The following HAO2 variants were observed in gnomAD, a reference collection of about 807,000 sequenced individuals.
HAO2 encodes 2-Hydroxyacid oxidase 2.
HAO2 carries 42 observed loss-of-function variants against 37.4 expected under a neutral mutation model. That is an observed-to-expected ratio of 1.12 (90% CI 0.88 to 1.45). The LOEUF is 1.45. Ranked by LOEUF, HAO2 falls within the 40% of genes most tolerant of loss-of-function variation. HAO2 has a pLI of 0.00. For missense variants in HAO2, 476 were observed against 430.2 expected (o/e 1.11, Z -0.94); for synonymous variants, 180 against 162.8 (o/e 1.11, Z -0.81).
At chr1:119,371,292 T>TG (rs587681551) in intron 1 of HAO2, among the ~76,000 whole-genome samples, 128 of 152,322 alleles carry the variant, frequency 8.4e-4, no homozygotes, top group African/African-American at 3.1e-3. Context: ...ATCTATAACA[T>TG]GGGGCTCATA....
chr1:119,380,514 T>G lies in HAO2; in HGVS notation c.-8-564T>G, dbSNP rs1649833646. On this transcript the variant is annotated intron_variant, in intron 1 of 7. Transcript: ENST00000325945. ...CTCTGTAATCCACAGCTCCAGACAA[T>G]TCAAACATTGAGATTCCTGGGAACT... The G allele has an allele frequency of 5.0e-6, 3 of 595,142 alleles. No individual in the cohort carries two copies. The Admixed American group carries it at 9.5e-5, about 19-fold the overall frequency. 36.9% of individuals were successfully genotyped at this position (595,142 alleles called of 1,614,324 possible).
chr1:119,375,433 TA>T (rs1354913590), intron 1 of HAO2, among the ~76,000 whole-genome samples: 1 of 152,014 alleles, frequency 6.6e-6, no homozygotes, highest in African/African-American at 2.4e-5. Flanking sequence ...TATATTATAT[TA>T]AAAATATATA....
intron 3 of HAO2, among the ~76,000 whole-genome samples, chr1:119,383,589 G>A (rs764322039): frequency 3.3e-4 from 50 of 151,882 alleles, no homozygotes; most frequent in Admixed American, 1.6e-3. Flanking sequence ...TTTATTGTTG[G>A]GTTACATCTC....
intron 2 of HAO2, among the ~76,000 whole-genome samples, chr1:119,381,920 T>C (rs1649978817): frequency 6.6e-6 from 1 of 152,218 alleles, no homozygotes; most frequent in Non-Finnish European, 1.5e-5. Context: ...CTATTGTTTA[T>C]GGCTGCTTTT....
intron 1 of HAO2, among the ~76,000 whole-genome samples, chr1:119,371,864 A>G (rs1446148446): frequency 6.6e-6 from 1 of 152,214 alleles, no homozygotes; most frequent in African/African-American, 2.4e-5. Context: ...CTCTTTGCAT[A>G]ATCAAATTAT....
chr1:119,380,661 G>T, intron 1 of HAO2: 1 of 1,557,310 alleles, frequency 6.4e-7, no homozygotes. Flanking sequence ...GGCATGATCA[G>T]CCTTGAACTT....
Position 119,393,882 on chromosome 1 carries a change from G to A in HAO2, c.*42G>A. Reference sequence around the variant, plus strand: ...ACCAGACTGCTGAGGTTGCCCACAGGAGGATCACAAACTCACAGCACAGTG... The same window carrying A: ...ACCAGACTGCTGAGGTTGCCCACAGAAGGATCACAAACTCACAGCACAGTG... On this transcript the variant is annotated 3_prime_UTR_variant, in exon 8 of 8. Coordinates refer to ENST00000325945, the MANE Select transcript of HAO2 (RefSeq NM_016527.4). 6.2e-7 allele frequency: 1 copy of A among 1,611,780 alleles called. No homozygotes were observed. Among genetic ancestry groups the A allele is most frequent in the South Asian group, 1.1e-5 (1 of 90,994 alleles).
At chr1:119,373,253 T>C (rs12118920) in intron 1 of HAO2, among the ~76,000 whole-genome samples, 1 of 152,188 alleles carries the variant, frequency 6.6e-6, no homozygotes, top group Admixed American at 6.5e-5. Flanking sequence ...GGTGGAATGA[T>C]AAAATCTAGT....
chr1:119,379,753 G>C (rs966042614), intron 1 of HAO2, among the ~76,000 whole-genome samples: 2 of 151,998 alleles, frequency 1.3e-5, no homozygotes, highest in East Asian at 3.9e-4. Flanking sequence ...TCTGTTTCCT[G>C]TCTGTCATAT....
Position 119,384,964 on chromosome 1 carries a change from G to T in HAO2, c.472G>T (p.Asp158Tyr). Residue 158 changes from aspartate (D) to tyrosine (Y), a missense_variant, in exon 4 of 8, where the codon GAT becomes TAT. Coordinates refer to ENST00000325945, the MANE Select transcript of HAO2 (RefSeq NM_016527.4). ...LGFKALVITLDTPVCGNRRHD... is the reference protein window; with the variant it reads ...LGFKALVITLYTPVCGNRRHD... ...TTTCAAAGCTTTGGTAATAACTTTG[G>T]ATACACCTGTATGTGGCAACAGGCG... 6.2e-7 allele frequency: 1 copy of T among 1,613,608 alleles called. No individual in the cohort carries two copies. Among genetic ancestry groups the T allele is most frequent in the Non-Finnish European group, 8.5e-7 (1 of 1,179,558 alleles).
In HAO2 at chr1:119,381,128, G is replaced by C. The variant is rs34638261; in HGVS notation, c.43G>C (p.Glu15Gln). Reference protein sequence around the residue: ...CLTDFQAHAREQLSKSTRDFI... With the variant: ...CLTDFQAHARQQLSKSTRDFI... ...GACAGACTTTCAGGCCCATGCGCGA[G>C]AGCAGCTGTCTAAGTCAACTCGGGA... The change falls in exon 2 of 8, where the codon GAG becomes CAG. Residue 15 changes from glutamate (E) to glutamine (Q), a missense_variant. Transcript: ENST00000325945. The C allele has an allele frequency of 5.0e-6, 8 of 1,611,154 alleles. No individual in the cohort carries two copies. The highest frequency in any genetic ancestry group is 6.8e-6 in the Non-Finnish European group (8 of 1,177,382).
In HAO2 at chr1:119,382,920, G is replaced by T. The variant is rs763195884; in HGVS notation, c.137G>T (p.Arg46Leu). 1.2e-6 allele frequency: 2 copies of T among 1,613,256 alleles called. No individual in the cohort carries two copies. Among genetic ancestry groups the T allele is most frequent in the Middle Eastern group, 1.7e-4 (1 of 6,054 alleles). ...CTCTTTGTTGTCCGGCACAGAATTC[G>T]CCTCCGTCCGCGGTACCTGAGAGAT... ...DDNIAAFKRI[R>L]LRPRYLRDVS... The change falls in exon 3 of 8, where the codon CGC becomes CTC. Residue 46 changes from arginine (R) to leucine (L), a missense_variant. By Grantham distance (102) the Arg-to-Leu change is moderately radical. Coordinates refer to ENST00000325945, the MANE Select transcript of HAO2 (RefSeq NM_016527.4).
Position 119,383,026 on chromosome 1 carries a change from C to T in HAO2, c.243C>T (p.His81=), listed in dbSNP as rs751340634. ...APICIAPTGF[H]CLVWPDGEMS... ...TTTGTATCGCACCCACAGGGTTCCA[C>T]TGCCTTGTCTGGCCTGATGGGGAAA... Residue 81 remains histidine, a synonymous_variant, in exon 3 of 8, where the codon CAC becomes CAT. Coordinates refer to ENST00000325945, the MANE Select transcript of HAO2 (RefSeq NM_016527.4). 2 of 1,613,070 alleles carry T rather than the reference C, an allele frequency of 1.2e-6. No homozygotes were observed. The highest frequency in any genetic ancestry group is 1.7e-5 in the Admixed American group (1 of 59,958).
At position 119,386,696 on chromosome 1, in the gene HAO2, G is replaced by C. The variant is rs769651799; in HGVS notation, c.636G>C (p.Gln212His). Reference sequence around the variant, plus strand: ...GCTGGAATGATCTCTCCTGGTTTCAGAGCATAACTCGATTGCCCATCATCC... The same window carrying C: ...GCTGGAATGATCTCTCCTGGTTTCACAGCATAACTCGATTGCCCATCATCC... ...SLCWNDLSWF[Q>H]SITRLPIILK... The change falls in exon 5 of 8, where the codon CAG (glutamine) becomes CAC (histidine). Residue 212 changes from glutamine to histidine, a missense_variant. Coordinates refer to ENST00000325945, the MANE Select transcript of HAO2 (RefSeq NM_016527.4). 8.1e-6 allele frequency: 13 copies of C among 1,613,456 alleles called. No individual in the cohort carries two copies. Among genetic ancestry groups the C allele is most frequent in the Non-Finnish European group, 1.1e-5 (13 of 1,179,418 alleles).
At chr1:119,386,452 C>A (rs1000785565) in intron 4 of HAO2, among the ~76,000 whole-genome samples, 170 bp from the exon 5 acceptor site, 2 of 152,126 alleles carry the variant, frequency 1.3e-5, no homozygotes, top group African/African-American at 4.8e-5. Context: ...AAGATCCTTC[C>A]GCCTCAGCCC....
chr1:119,370,252 A>G (rs1648872568), intron 1 of HAO2: 1 of 152,276 alleles, frequency 6.6e-6, no homozygotes, highest in South Asian at 2.1e-4. Flanking sequence ...AGCAACAGCG[A>G]AATGTTAAGC....
chr1:119,390,731 G>A (rs760223745), intron 5 of HAO2, among the ~76,000 whole-genome samples: 3 of 152,086 alleles, frequency 2.0e-5, no homozygotes, highest in South Asian at 2.1e-4. Flanking sequence ...AGTCTTCTGG[G>A]GACAACAGCT....
At chr1:119,369,642 T>C (rs1648806663) in intron 1 of HAO2, among the ~76,000 whole-genome samples, 1 of 152,216 alleles carries the variant, frequency 6.6e-6, no homozygotes, top group African/African-American at 2.4e-5. Context: ...AGATAGACAG[T>C]AATAACCTAA....
chr1:119,386,950 G>C, intron 5 of HAO2, 119 bp downstream of exon 5: 1 of 682,162 alleles, frequency 1.5e-6, no homozygotes, highest in Middle Eastern at 2.8e-4. Flanking sequence ...TGTACCACAT[G>C]TGTTGGTATG....
Sources: allele counts gnomAD v4.1 joint callset (sites outside exome capture counted in the v4.1 genomes callset), GRCh38; gene constraint gnomAD v4.1.1; transcripts MANE v1.5; gene names NCBI Gene and HGNC (gene_info 2026-07-23, HGNC 2026-07-21).